Variants in TIAM1 observed in about 807,000 individuals in gnomAD.
The protein encoded by TIAM1 is TIAM Rac1 associated GEF 1.
In TIAM1, 65 loss-of-function variants were observed where a neutral mutation model predicts 163.5. That is an observed-to-expected ratio of 0.40 (90% confidence interval 0.33 to 0.49). The LOEUF (loss-of-function observed/expected upper bound fraction) is 0.49. Ranked by LOEUF, TIAM1 falls within the 20% of genes least tolerant of loss-of-function variation. The pLI, the probability that TIAM1 is intolerant of heterozygous loss-of-function variation, is 0.77. For synonymous variants in TIAM1, 833 were observed against 810.1 expected, an observed-to-expected ratio of 1.03 and a Z score of -0.48; for missense variants, 1,789 against 2,044.7, an observed-to-expected ratio of 0.87 and a Z score of 2.41.
chr21:31,447,682 C>T (rs1038789628), intron 2 of TIAM1, among the ~76,000 whole-genome samples: 1 of 152,176 alleles, frequency 6.6e-6, no homozygotes, highest in Non-Finnish European at 1.5e-5. Flanking sequence ...GAATGTTGGT[C>T]AGATGCCTGC....
At chr21:31,256,270 A>C (rs907858910) in intron 4 of TIAM1, among the ~76,000 whole-genome samples, 3 of 152,212 alleles carry the variant, frequency 2.0e-5, no homozygotes, top group Non-Finnish European at 4.4e-5. Flanking sequence ...TTGAAAATGC[A>C]ATTAGCCAGA....
intron 7 of TIAM1, 115 bp downstream of exon 7, chr21:31,225,611 G>T: frequency 1.3e-6 from 1 of 796,980 alleles, no homozygotes; most frequent in Non-Finnish European, 2.0e-6. Context: ...CTGGATGACA[G>T]GCTGTCGAGG....
chr21:31,327,268 C>T (rs13048400), intron 2 of TIAM1, among the ~76,000 whole-genome samples: 26,616 of 152,070 alleles, frequency 0.18, 2,343 homozygotes, highest in Middle Eastern at 0.2. Flanking sequence ...TTTTTAGCCA[C>T]GCTTGAACTC....
chr21:31,426,677 A>G (rs1249454386), intron 2 of TIAM1, among the ~76,000 whole-genome samples: 1 of 152,184 alleles, frequency 6.6e-6, no homozygotes, highest in Non-Finnish European at 1.5e-5. Flanking sequence ...CACTTTGCAG[A>G]GAGTCATAGC....
At chr21:31,407,754 G>T (rs1173897307) in intron 2 of TIAM1, among the ~76,000 whole-genome samples, 2 of 148,362 alleles carry the variant, frequency 1.3e-5, no homozygotes, top group African/African-American at 2.5e-5. Context: ...TCCTGCCTCA[G>T]CCTCCAGAGT....
At chr21:31,343,766 G>A (rs1209762979) in intron 1 of TIAM1, among the ~76,000 whole-genome samples, 1 of 152,146 alleles carries the variant, frequency 6.6e-6, no homozygotes, top group Non-Finnish European at 1.5e-5. Context: ...ACGCATCCTG[G>A]GTGGGTGACG....
upstream of TIAM1, among the ~76,000 whole-genome samples, chr21:31,347,710 A>T (rs1423043894): frequency 6.6e-6 from 1 of 152,178 alleles, no homozygotes; most frequent in Non-Finnish European, 1.5e-5. Context: ...AATAACACAC[A>T]TCACCGCAAA....
At chr21:31,375,727 TTTATTAAGAGTAGAAA>T (rs2076672189) in intron 2 of TIAM1, among the ~76,000 whole-genome samples, 1 of 152,120 alleles carries the variant, frequency 6.6e-6, no homozygotes, top group Admixed American at 6.6e-5. Context: ...TGCAAACCTG[TTTATTAAGAGTAGAAA>T]AAAGGCCAGG....
chr21:31,260,394 C>G (rs2017719), intron 4 of TIAM1, among the ~76,000 whole-genome samples: 3 of 151,430 alleles, frequency 2.0e-5, no homozygotes, highest in Admixed American at 6.6e-5. Context: ...CCCGCCACCA[C>G]GCCTGGCTAA....
At chr21:31,174,579 C>T (rs1254218104) in intron 15 of TIAM1, among the ~76,000 whole-genome samples, 2 of 152,250 alleles carry the variant, frequency 1.3e-5, no homozygotes, top group African/African-American at 2.4e-5. Flanking sequence ...CAGGAATAAC[C>T]ATTTTTTGAA....
At chr21:31,314,241 G>A (rs1185901739) in intron 2 of TIAM1, among the ~76,000 whole-genome samples, 2 of 152,118 alleles carry the variant, frequency 1.3e-5, no homozygotes, top group African/African-American at 2.4e-5. Flanking sequence ...CCCTTGGCAA[G>A]GATATATTTT....
At chr21:31,377,490 G>A (rs2076707037) in intron 2 of TIAM1, among the ~76,000 whole-genome samples, 1 of 152,044 alleles carries the variant, frequency 6.6e-6, no homozygotes, top group South Asian at 2.1e-4. Flanking sequence ...AAATTCAGTG[G>A]GATCAGGACA....
intron 11 of TIAM1, among the ~76,000 whole-genome samples, chr21:31,209,548 C>G (rs887505738): frequency 6.6e-6 from 1 of 152,210 alleles, no homozygotes; most frequent in African/African-American, 2.4e-5. Context: ...TCCATTTTCC[C>G]CAATTCTAAA....
chr21:31,453,690 G>GTAAA (rs766672469), intron 2 of TIAM1, among the ~76,000 whole-genome samples: 1,867 of 11,210 alleles, frequency 0.17, 16 homozygotes, highest in East Asian at 0.37. Flanking sequence ...TCCATCTCCA[G>GTAAA]TAAATAAATA....
intron 2 of TIAM1, among the ~76,000 whole-genome samples, chr21:31,370,491 C>T (rs905429311): frequency 5.9e-5 from 9 of 151,954 alleles, no homozygotes; most frequent in East Asian, 5.8e-4. Flanking sequence ...TGTGTGTGCA[C>T]GCGCATGTGT....
intron 2 of TIAM1, among the ~76,000 whole-genome samples, chr21:31,366,763 A>G (rs777683559): frequency 6.6e-5 from 10 of 152,170 alleles, no homozygotes; most frequent in Admixed American, 2.0e-4. Context: ...AATTACAGGC[A>G]TGTGCCATCA....
Position 31,223,502 on chromosome 21 carries a change from C to T in TIAM1, c.1899G>A (p.Leu633=). 6.2e-7 allele frequency: 1 copy of T among 1,613,782 alleles called. No individual in the cohort carries two copies. Among genetic ancestry groups the T allele is most frequent in the African/African-American group, 1.3e-5 (1 of 75,040 alleles). ...CYLASLQGGE[L]PNPKRLLAFA... ...AAGCGAGAAGCCTTTTGGGGTTTGGCAGCTCCCCACCCTGAAGGCTGGCTA... is the reference window on the plus strand; with the variant it reads ...AAGCGAGAAGCCTTTTGGGGTTTGGTAGCTCCCCACCCTGAAGGCTGGCTA... The change falls in exon 8 of 28, where the codon CTG becomes CTA. Residue 633 remains leucine (L), a synonymous_variant. Coordinates refer to ENST00000541036, the MANE Select transcript of TIAM1 (RefSeq NM_001353694.2).
intron 2 of TIAM1, among the ~76,000 whole-genome samples, chr21:31,284,336 A>C (rs1177918129): frequency 6.6e-6 from 1 of 152,128 alleles, no homozygotes; most frequent in Non-Finnish European, 1.5e-5. Flanking sequence ...TCATTTTCCA[A>C]AATTGAGCCA....
chr21:31,503,308 T>A (rs912388847), intron 1 of TIAM1, among the ~76,000 whole-genome samples: 1 of 150,756 alleles, frequency 6.6e-6, no homozygotes, highest in South Asian at 2.1e-4. Flanking sequence ...GGCACAAGAA[T>A]CACTTGAACC....
Sources: gnomAD v4.1 joint callset for allele counts (sites outside exome capture counted in the v4.1 genomes callset) on GRCh38, gnomAD v4.1.1 for gene constraint, MANE v1.5 for transcripts, NCBI Gene and HGNC (gene_info 2026-07-23, HGNC 2026-07-21) for gene names.